ACSS2: variants seen among roughly 807,000 people sequenced by gnomAD.
ACSS2 encodes acyl-CoA synthetase short chain family member 2, also known as acetyl-coenzyme A synthetase, cytoplasmic.
In ACSS2, 58 loss-of-function variants were observed where a neutral mutation model predicts 90.6. That is an observed-to-expected ratio of 0.64 (90% confidence interval 0.52 to 0.80). ACSS2 has a LOEUF of 0.80. Ranked by LOEUF, ACSS2 falls within the 30% of genes least tolerant of loss-of-function variation. The probability of loss-of-function intolerance (pLI) is 0.00; values close to 1 mark genes in which losing one functional copy is unlikely to be tolerated. For missense variants in ACSS2, 759 were observed against 912.0 expected, an observed-to-expected ratio of 0.83 and a Z score of 2.16; for synonymous variants, 300 against 330.9, an observed-to-expected ratio of 0.91 and a Z score of 1.01.
chr20:34,889,497 C>T (rs1295351228), intron 2 of ACSS2, among the ~76,000 whole-genome samples: 15 of 117,040 alleles, frequency 1.3e-4, no homozygotes, highest in Admixed American at 1.1e-3. Flanking sequence ...CCTTGTGACC[C>T]GCCCGCCTCG....
chr20:34,912,223 AG>A (rs1180169485), intron 2 of ACSS2, among the ~76,000 whole-genome samples: 8 of 152,248 alleles, frequency 5.3e-5, no homozygotes, highest in Non-Finnish European at 1.0e-4. Context: ...AAGCCTAGGA[AG>A]GAGTGGGAGG....
Position 34,877,830 on chromosome 20 carries a change from A to T in ACSS2, c.178+1007A>T, listed in dbSNP as rs1190210350. ...CAAGACTTTGTCTCAAAAAAAAAAA[A>T]AAAAAAAAAAAAAAAAAAAGGTATA... On this transcript the variant is annotated intron_variant, in intron 1 of 17. Transcript: ENST00000360596. 1.0e-3 allele frequency among the ~76,000 whole-genome samples: 157 copies of T among 149,822 alleles called. 1 individual carries two copies. The highest frequency in any genetic ancestry group is 1.6e-3 in the Non-Finnish European group (107 of 67,352).
At chr20:34,893,734 C>T (rs1399421271) in intron 2 of ACSS2, 4 of 151,926 alleles carry the variant, frequency 2.6e-5, no homozygotes, top group Non-Finnish European at 5.9e-5. Flanking sequence ...ACTGCAAAAT[C>T]TCAGATATAG....
Position 34,913,799 on chromosome 20 carries a change from C to T in ACSS2, c.617C>T (p.Ser206Phe). 6.2e-7 allele frequency: 1 copy of T among 1,614,120 alleles called. No homozygotes were observed. Among genetic ancestry groups the T allele is most frequent in the Non-Finnish European group, 8.5e-7 (1 of 1,180,006 alleles). ...TCTCTATGTGAACGGATCTTGGATT[C>T]CAGCTGCAGTCTTCTCATCACTACA... ...SESLCERILD[S>F]SCSLLITTDA... Residue 206 changes from serine (S) to phenylalanine (F), a missense_variant, in exon 5 of 18, where the codon TCC becomes TTC. By Grantham distance (155) the Ser-to-Phe change is radical. Transcript: ENST00000360596.
intron 1 of ACSS2, among the ~76,000 whole-genome samples, chr20:34,879,645 T>C (rs922288216): frequency 2.6e-5 from 4 of 152,246 alleles, no homozygotes; most frequent in Non-Finnish European, 1.5e-5. Context: ...GGCACGAGAA[T>C]TGCTTGAACC....
At chr20:34,908,615 A>T (rs958306389) in intron 2 of ACSS2, 2 of 192,646 alleles carry the variant, frequency 1.0e-5, no homozygotes, top group Non-Finnish European at 2.1e-5. Flanking sequence ...TAATCCCAGT[A>T]CTTTGGGAGG....
intron 1 of ACSS2, among the ~76,000 whole-genome samples, chr20:34,877,894 GGACA>G (rs1555878346): frequency 1.3e-5 from 1 of 78,534 alleles, no homozygotes; most frequent in Non-Finnish European, 2.7e-5. Context: ...TCTGGGTAAA[GGACA>G]GATAGATAGA....
chr20:34,883,599 C>T (rs1269873447), intron 2 of ACSS2, among the ~76,000 whole-genome samples: 3 of 152,194 alleles, frequency 2.0e-5, no homozygotes, highest in African/African-American at 7.2e-5. Context: ...TAATTCCTTA[C>T]CTTGGCCTCT....
intron 2 of ACSS2, among the ~76,000 whole-genome samples, chr20:34,911,773 C>T (rs947580887): frequency 2.0e-5 from 3 of 152,122 alleles, no homozygotes; most frequent in Non-Finnish European, 4.4e-5. Flanking sequence ...ATATAAGCTC[C>T]ATGATATCAG....
Position 34,883,002 on chromosome 20 carries a change from A to C in ACSS2, c.374+13A>C. Reference sequence around the variant, plus strand: ...TTGCTTTTTACTGGTAAAAATATCTATCTTATACTTGGTGGCAGATAAAAA... The same window carrying C: ...TTGCTTTTTACTGGTAAAAATATCTCTCTTATACTTGGTGGCAGATAAAAA... On this transcript the variant is annotated intron_variant, in intron 2 of 17. Coordinates refer to ENST00000360596, the MANE Select transcript of ACSS2 (RefSeq NM_018677.4). The C allele has an allele frequency of 6.3e-7, 1 of 1,586,602 alleles. No individual in the cohort carries two copies. The highest frequency in any genetic ancestry group is 8.6e-7 in the Non-Finnish European group (1 of 1,165,266).
At chr20:34,919,608 T>C in intron 8 of ACSS2, 36 bp downstream of exon 8, 1 of 1,573,540 alleles carries the variant, frequency 6.4e-7, no homozygotes. Context: ...TGTGTGTGTG[T>C]GTGTGTGTGT....
Position 34,913,776 on chromosome 20 carries a change from T to C in ACSS2, c.594T>C (p.Ser198=), listed in dbSNP as rs2081016847. The change falls in exon 5 of 18, where the codon TCT becomes TCC. Residue 198 remains serine, a synonymous_variant. Coordinates refer to ENST00000360596, the MANE Select transcript of ACSS2 (RefSeq NM_018677.4). ...AGTTTGCAGGCTTCTCTTCAGAGTC[T>C]CTATGTGAACGGATCTTGGATTCCA... is the stretch of plus-strand genomic sequence containing the variant. ...SIVFAGFSSE[S]LCERILDSSC... 6.2e-7 allele frequency: 1 copy of C among 1,614,116 alleles called. No homozygotes were observed. Among genetic ancestry groups the C allele is most frequent in the African/African-American group, 1.3e-5 (1 of 75,014 alleles).
At chr20:34,881,185 C>A (rs2146964940) in intron 1 of ACSS2, among the ~76,000 whole-genome samples, 1 of 151,136 alleles carries the variant, frequency 6.6e-6, no homozygotes, top group East Asian at 1.9e-4. Flanking sequence ...CGCTACCACA[C>A]CTGGCAATTT....
chr20:34,885,565 C>A (rs2080172423), intron 2 of ACSS2, among the ~76,000 whole-genome samples: 1 of 152,178 alleles, frequency 6.6e-6, no homozygotes, highest in Admixed American at 6.5e-5. Flanking sequence ...ATGATTGAGT[C>A]TGAGAAACAC....
intron 7 of ACSS2, among the ~76,000 whole-genome samples, chr20:34,919,090 A>G (rs1457529442): frequency 6.6e-6 from 1 of 152,210 alleles, no homozygotes; most frequent in Non-Finnish European, 1.5e-5. Flanking sequence ...GGTTGGGGGT[A>G]GCAATCTATC....
Position 34,923,331 on chromosome 20 carries a change from G to A in ACSS2, c.1557G>A (p.Lys519=). The part of the protein sequence containing the change: ...EGEAEGYLVF[K]QPWPGIMRTV... ...CCTTCCTCACTCCCCAGGTGTTCAA[G>A]CAGCCCTGGCCAGGGATCATGCGCA... Residue 519 remains lysine (K), a synonymous_variant, in exon 14 of 18, where the codon AAG becomes AAA. Coordinates refer to ENST00000360596, the MANE Select transcript of ACSS2 (RefSeq NM_018677.4). 6 of 1,613,860 alleles carry A rather than the reference G, an allele frequency of 3.7e-6. No homozygotes were observed. Among genetic ancestry groups the A allele is most frequent in the Non-Finnish European group, 5.1e-6 (6 of 1,179,758 alleles).
intron 14 of ACSS2, among the ~76,000 whole-genome samples, chr20:34,923,766 G>T (rs2147105123): frequency 1.3e-5 from 2 of 152,056 alleles, no homozygotes; most frequent in Middle Eastern, 6.8e-3. Flanking sequence ...TAGAGTTACT[G>T]CAAGTACAGC....
At chr20:34,878,852 T>C (rs1761086212) in intron 1 of ACSS2, among the ~76,000 whole-genome samples, 2 of 152,142 alleles carry the variant, frequency 1.3e-5, no homozygotes, top group Admixed American at 1.3e-4. Flanking sequence ...AAACTTTCAA[T>C]GGTTCCCTGT....
intron 2 of ACSS2, among the ~76,000 whole-genome samples, chr20:34,885,236 A>T (rs1385179976): frequency 1.3e-5 from 2 of 152,166 alleles, no homozygotes; most frequent in African/African-American, 2.4e-5. Context: ...TAAGAAAAAT[A>T]AAAAGAGGAA....
Sources: allele counts gnomAD v4.1 joint callset (sites outside exome capture counted in the v4.1 genomes callset), GRCh38; gene constraint gnomAD v4.1.1; transcripts MANE v1.5; gene names NCBI Gene and HGNC (gene_info 2026-07-23, HGNC 2026-07-21).